The following TMC7 variants were observed in gnomAD, a reference collection of about 807,000 sequenced individuals.
TMC7 encodes transmembrane channel like 7.
A neutral mutation model predicts 82.9 loss-of-function variants in TMC7; 54 were observed. That is an observed-to-expected ratio of 0.65 (90% CI 0.52 to 0.82). The LOEUF (loss-of-function observed/expected upper bound fraction) is 0.82, where lower values mean the gene tolerates loss of function less well. TMC7 is among the 40% of genes least tolerant of loss of function. The probability of loss-of-function intolerance (pLI) is 0.00; values close to 1 mark genes in which losing one functional copy is unlikely to be tolerated. For missense variants in TMC7, 820 were observed against 901.2 expected (o/e 0.91, Z 1.15); for synonymous variants, 350 against 337.9 (o/e 1.04, Z -0.39).
At chr16:19,051,885 T>C (rs943142218) in intron 13 of TMC7, 69 bp downstream of exon 13, 5 of 1,576,876 alleles carry the variant, frequency 3.2e-6, no homozygotes, top group Non-Finnish European at 4.3e-6. Flanking sequence ...TGTAAAAGCG[T>C]CCGTCATATC....
At chr16:19,017,332 T>G (rs1959744664) in intron 3 of TMC7, among the ~76,000 whole-genome samples, 1 of 149,644 alleles carries the variant, frequency 6.7e-6, no homozygotes, top group East Asian at 1.9e-4. Context: ...TAATATTAAA[T>G]TATTTAATAA....
At chr16:19,061,725 T>C in intron 15 of TMC7, 53 bp from the exon 16 acceptor site, 1 of 1,478,578 alleles carries the variant, frequency 6.8e-7, no homozygotes, top group Non-Finnish European at 9.4e-7. Flanking sequence ...TAGGTAATGA[T>C]GGTATTTGTT....
Position 18,992,698 on chromosome 16 carries a change from C to G in TMC7, c.67+8568C>G, listed in dbSNP as rs529201772. 3.3e-5 allele frequency among the ~76,000 whole-genome samples: 5 copies of G among 152,218 alleles called. No individual in the cohort carries two copies. The East Asian group carries it at 9.6e-4, about 29-fold the overall frequency. ...ATGCCTATGTCCTGAATGGTATTGC[C>G]TAGGTTTTCTTCTAGGGTTTTTATG... On this transcript the variant is annotated intron_variant, in intron 1 of 15. Transcript: ENST00000304381.
chr16:18,994,340 G>A lies in TMC7; in HGVS notation c.67+10210G>A, dbSNP rs371701290. ...CATGAGGGCTATGCGAAAACAGTAA[G>A]GTCAAGTTGTTTGGACAGAAAGGCT... On this transcript the variant is annotated intron_variant, in intron 1 of 15. Transcript: ENST00000304381. Among the ~76,000 whole-genome samples the A allele has an allele frequency of 1.1e-4, 16 of 152,138 alleles. No individual in the cohort carries two copies. In the South Asian group the frequency reaches 3.3e-3, roughly 32 times the overall value.
At chr16:19,060,019 G>C in intron 15 of TMC7, 1 of 267,002 alleles carries the variant, frequency 3.7e-6, no homozygotes. Flanking sequence ...TACCTACTCT[G>C]TGCCTTGTAC....
At chr16:19,015,355 A>T (rs1959629188) in intron 2 of TMC7, among the ~76,000 whole-genome samples, 2 of 145,596 alleles carry the variant, frequency 1.4e-5, no homozygotes, top group Non-Finnish European at 3.0e-5. Flanking sequence ...CTGATCCCCC[A>T]GGCTCAAGCA....
chr16:18,991,967 G>T (rs1045714971), intron 1 of TMC7, among the ~76,000 whole-genome samples: 2 of 151,944 alleles, frequency 1.3e-5, no homozygotes, highest in African/African-American at 4.9e-5. Flanking sequence ...TGGTGTATAT[G>T]TGCCACATTT....
Position 19,056,539 on chromosome 16 carries a change from C to A in TMC7, c.1872-3C>A, listed in dbSNP as rs767167182. The A allele has an allele frequency of 1.2e-6, 2 of 1,612,660 alleles. No individual in the cohort carries two copies. The highest frequency in any genetic ancestry group is 2.2e-5 in the South Asian group (2 of 90,842). ...CTGAGCCCGTTGGTCTGTGTCCTGGCAGCATCCCTTCCTCGAAAGCCTGTG... is the reference window on the plus strand; with the variant it reads ...CTGAGCCCGTTGGTCTGTGTCCTGGAAGCATCCCTTCCTCGAAAGCCTGTG... On this transcript the variant is annotated splice_polypyrimidine_tract_variant and splice_region_variant and intron_variant, in intron 13 of 15. Coordinates refer to ENST00000304381, the MANE Select transcript of TMC7 (RefSeq NM_024847.4).
chr16:18,984,264 G>A (rs1214762383), intron 1 of TMC7, 134 bp downstream of exon 1: 5 of 1,339,136 alleles, frequency 3.7e-6, no homozygotes, highest in East Asian at 6.3e-5. Context: ...CGGCTCTGGG[G>A]AACAGCAGGT....
chr16:19,057,900 C>T (rs1961840811), intron 14 of TMC7, among the ~76,000 whole-genome samples: 1 of 152,162 alleles, frequency 6.6e-6, no homozygotes, highest in Non-Finnish European at 1.5e-5. Context: ...CTTTAACCAC[C>T]CCCATTTCAG....
intron 2 of TMC7, among the ~76,000 whole-genome samples, chr16:19,014,289 TC>T (rs1282062591): frequency 1.3e-5 from 2 of 151,946 alleles, no homozygotes; most frequent in Non-Finnish European, 2.9e-5. Flanking sequence ...CATGTCCCCC[TC>T]CCCCAAGTTG....
intron 3 of TMC7, among the ~76,000 whole-genome samples, chr16:19,017,796 G>A (rs1233249626): frequency 1.3e-5 from 2 of 148,510 alleles, no homozygotes; most frequent in East Asian, 2.1e-4. Context: ...TCAGCCTCCC[G>A]AGTAGCTGGG....
At chr16:19,049,007 G>A (rs1210652242) in intron 12 of TMC7, among the ~76,000 whole-genome samples, 3 of 152,044 alleles carry the variant, frequency 2.0e-5, no homozygotes, top group Non-Finnish European at 4.4e-5. Context: ...CCCACCCTTT[G>A]ACAAAGTACT....
At chr16:19,023,945 T>C (rs568847044) in intron 5 of TMC7, among the ~76,000 whole-genome samples, 1 of 152,322 alleles carries the variant, frequency 6.6e-6, no homozygotes, top group East Asian at 1.9e-4. Flanking sequence ...ACATGTGCGA[T>C]GCACAACCTC....
intron 2 of TMC7, 133 bp from the exon 3 acceptor site, chr16:19,016,316 CT>C: frequency 1.0e-6 from 1 of 986,748 alleles, no homozygotes; most frequent in Non-Finnish European, 1.5e-6. Context: ...TCTTGAACTC[CT>C]GACCTCAGGT....
chr16:19,043,005 C>T (rs910233480), intron 9 of TMC7, among the ~76,000 whole-genome samples: 2 of 152,042 alleles, frequency 1.3e-5, no homozygotes, highest in African/African-American at 2.4e-5. Flanking sequence ...CTCGGCCTCC[C>T]AAAGTGCTGG....
intron 2 of TMC7, among the ~76,000 whole-genome samples, chr16:19,011,226 G>T (rs1349905711): frequency 6.6e-6 from 1 of 152,160 alleles, no homozygotes; most frequent in Non-Finnish European, 1.5e-5. Context: ...TGCCAGAGAA[G>T]GGGAGAATGG....
chr16:19,030,408 A>C (rs771088373), intron 6 of TMC7, 39 bp downstream of exon 6: 1 of 1,583,258 alleles, frequency 6.3e-7, no homozygotes, highest in Admixed American at 1.8e-5. Flanking sequence ...ATTACCCCTG[A>C]TGGCTGGAGG....
intron 2 of TMC7, among the ~76,000 whole-genome samples, chr16:19,015,481 A>T (rs1033360854): frequency 9.2e-5 from 14 of 152,102 alleles, no homozygotes; most frequent in South Asian, 4.2e-4. Flanking sequence ...GACCACATTT[A>T]AAAAAATCCA....
Sources: allele counts gnomAD v4.1 joint callset (sites outside exome capture counted in the v4.1 genomes callset), GRCh38; gene constraint gnomAD v4.1.1; transcripts MANE v1.5; gene names NCBI Gene and HGNC (gene_info 2026-07-23, HGNC 2026-07-21).